Variants in TMEM255B observed in about 807,000 individuals in gnomAD.
TMEM255B encodes the protein family with sequence similarity 70, member B.
TMEM255B carries 35 observed loss-of-function variants against 34.5 expected under a neutral mutation model. That is an observed-to-expected ratio of 1.01 (90% CI 0.77 to 1.34). The LOEUF (loss-of-function observed/expected upper bound fraction) is 1.34, where lower values mean the gene tolerates loss of function less well. Ranked by LOEUF, TMEM255B falls within the 40% of genes most tolerant of loss-of-function variation. TMEM255B has a pLI of 0.00. For missense variants in TMEM255B, 432 were observed against 433.2 expected, an observed-to-expected ratio of 1.00 and a Z score of 0.02; for synonymous variants, 206 against 201.2, an observed-to-expected ratio of 1.02 and a Z score of -0.20.
intron 4 of TMEM255B, among the ~76,000 whole-genome samples, chr13:113,796,508 G>C (rs61966706): frequency 6.9e-5 from 10 of 144,516 alleles, no homozygotes; most frequent in South Asian, 4.4e-4. Context: ...ACACCACACA[G>C]AGCACACAGC....
chr13:113,782,302 A>G (rs1012197797), intron 3 of TMEM255B, among the ~76,000 whole-genome samples: 4 of 152,240 alleles, frequency 2.6e-5, no homozygotes, highest in Non-Finnish European at 5.9e-5. Flanking sequence ...TTCCTACAAT[A>G]TATTTTTATT....
intron 8 of TMEM255B, 49 bp downstream of exon 8, chr13:113,805,077 T>C (rs2051145422): frequency 2.6e-6 from 4 of 1,532,236 alleles, no homozygotes; most frequent in Non-Finnish European, 3.5e-6. Context: ...TCACAGGCAG[T>C]GGGATGGACA....
At position 113,811,738 on chromosome 13, in the gene TMEM255B, C is replaced by T. The variant is rs1381995264; in HGVS notation, c.816C>T (p.Pro272=). ...AGGGCCCTCTCTGTTTATTGCAGCC[C>T]TGCAGCCGCTTCCCAGTTGCGCCCT... ...TCSSYPLPLQ[P]CSRFPVAPSS... Residue 272 remains proline, a splice_region_variant and synonymous_variant, in exon 9 of 9, where the codon CCC becomes CCT. Transcript: ENST00000375353. 6.2e-7 allele frequency: 1 copy of T among 1,613,466 alleles called. No homozygotes were observed. The highest frequency in any genetic ancestry group is 8.5e-7 in the Non-Finnish European group (1 of 1,179,784).
Position 113,814,597 on chromosome 13 carries a change from A to G in TMEM255B, c.*2694A>G, listed in dbSNP as rs1194008766. The G allele has an allele frequency of 2.0e-5, 3 of 152,196 alleles. No individual in the cohort carries two copies. Among genetic ancestry groups the G allele is most frequent in the Non-Finnish European group, 4.4e-5 (3 of 68,048 alleles). The allele number at this position is 152,196 out of a possible 1,614,324, so 9.4% of individuals were successfully genotyped here. On this transcript the variant is annotated 3_prime_UTR_variant, in exon 9 of 9. Transcript: ENST00000375353. The stretch of plus-strand genomic sequence containing the variant: ...CCCACCTGGCGCAGGGCTCCGGCCA[A>G]TGCCTGGCCTGCAGTGTGGGCGGCG...
chr13:113,794,113 G>A (rs2050878830), intron 3 of TMEM255B, among the ~76,000 whole-genome samples: 1 of 152,214 alleles, frequency 6.6e-6, no homozygotes, highest in African/African-American at 2.4e-5. Flanking sequence ...GGGGGAAGAG[G>A]CCACAGCAGT....
chr13:113,763,456 C>T (rs1441979886), intron 1 of TMEM255B, among the ~76,000 whole-genome samples: 3 of 152,136 alleles, frequency 2.0e-5, no homozygotes, highest in South Asian at 2.1e-4. Context: ...GACAGAGACC[C>T]GGGATCTGTC....
Position 113,795,228 on chromosome 13 carries a change from A to G in TMEM255B, c.333A>G (p.Ala111=), listed in dbSNP as rs1400965033. 6.2e-7 allele frequency: 1 copy of G among 1,613,560 alleles called. No homozygotes were observed. Among genetic ancestry groups the G allele is most frequent in the African/African-American group, 1.3e-5 (1 of 74,920 alleles). ...CCATCGTGGACGGCGTATTTGCAGC[A>G]CAGCACATTGTGAGTACATTGTCAT... The part of the protein sequence containing the change: ...CCAIVDGVFA[A]QHIEPRPLTT... The change falls in exon 4 of 9, where the codon GCA becomes GCG. Residue 111 remains alanine (A), a synonymous_variant. Coordinates refer to ENST00000375353, the MANE Select transcript of TMEM255B (RefSeq NM_182614.4).
At chr13:113,782,672 C>CG (rs770261684) in intron 3 of TMEM255B, among the ~76,000 whole-genome samples, 47,281 of 134,612 alleles carry the variant, frequency 0.35, 9,112 homozygotes, top group East Asian at 0.63. Flanking sequence ...CTGTGATGGT[C>CG]GGAGGGGGGG....
intron 4 of TMEM255B, among the ~76,000 whole-genome samples, chr13:113,798,324 A>G (rs767847785): frequency 3.3e-5 from 5 of 150,972 alleles, no homozygotes; most frequent in Non-Finnish European, 7.4e-5. Flanking sequence ...GGATGGAAGT[A>G]TGGATGACAG....
intron 4 of TMEM255B, 24 bp from the exon 5 acceptor site, chr13:113,799,315 A>G: frequency 1.2e-6 from 2 of 1,612,666 alleles, no homozygotes; most frequent in Non-Finnish European, 1.7e-6. Context: ...GTTTTATTCC[A>G]TCTGTGTTTA....
intron 3 of TMEM255B, among the ~76,000 whole-genome samples, chr13:113,794,365 C>T (rs2050883890): frequency 1.3e-5 from 2 of 152,066 alleles, no homozygotes; most frequent in African/African-American, 2.4e-5. Flanking sequence ...GAGCCACAGG[C>T]CCTCCCTCTG....
rs2050447269 is a variant in TMEM255B at position 113,769,701 on chromosome 13, TGCGC to T, written c.252+543_252+546del. Reference sequence around the variant, plus strand: ...CCTGTCCATGATGTTCGTGGCTGTATGCGCGGCAACAGCGATCAGGTTCAGCTGG... The same window carrying T: ...CCTGTCCATGATGTTCGTGGCTGTATGGCAACAGCGATCAGGTTCAGCTGG... On this transcript the variant is annotated intron_variant, in intron 3 of 8. Coordinates refer to ENST00000375353, the MANE Select transcript of TMEM255B (RefSeq NM_182614.4). This position sits in a 1 kb window ranked among gnomAD's most constrained non-coding sequence, Gnocchi z 4.2. 1.9e-5 allele frequency: 2 copies of T among 103,604 alleles called. No individual in the cohort carries two copies. The highest frequency in any genetic ancestry group is 8.1e-5 in the Admixed American group (1 of 12,296). 6.4% of individuals were successfully genotyped at this position (103,604 alleles called of 1,614,324 possible).
chr13:113,797,266 C>T (rs1012020988), intron 4 of TMEM255B, among the ~76,000 whole-genome samples: 2 of 152,240 alleles, frequency 1.3e-5, no homozygotes, highest in African/African-American at 2.4e-5. Context: ...AGGACGGATG[C>T]GCAGACAGCA....
At chr13:113,760,474 G>A (rs974378268) in intron 1 of TMEM255B, among the ~76,000 whole-genome samples, 2 of 152,206 alleles carry the variant, frequency 1.3e-5, no homozygotes, top group Admixed American at 6.5e-5. Context: ...AATACTTGGA[G>A]CTGGTCTTTT....
intron 1 of TMEM255B, among the ~76,000 whole-genome samples, chr13:113,764,754 G>A (rs1317237739): frequency 6.6e-6 from 1 of 152,210 alleles, no homozygotes; most frequent in Non-Finnish European, 1.5e-5. Flanking sequence ...GGGTGAGTGT[G>A]GCTACTATAC....
Position 113,773,844 on chromosome 13 carries a change from C to T in TMEM255B, c.252+4684C>T, listed in dbSNP as rs184507528. Among the ~76,000 whole-genome samples the T allele has an allele frequency of 9.7e-4, 147 of 152,218 alleles. No individual in the cohort carries two copies. The East Asian group carries it at 0.01, about 10-fold the overall frequency. On this transcript the variant is annotated intron_variant, in intron 3 of 8. Coordinates refer to ENST00000375353, the MANE Select transcript of TMEM255B (RefSeq NM_182614.4). ...AGAATGTCTTGTTCATGACAGGTTT[C>T]GAGAAAGCGGTGGTCATTGTTATAC...
chr13:113,763,854 A>G (rs1324877552), intron 1 of TMEM255B, among the ~76,000 whole-genome samples: 1 of 152,246 alleles, frequency 6.6e-6, no homozygotes, highest in African/African-American at 2.4e-5. Context: ...TAGTTCAGAA[A>G]TACCATGAGA....
chr13:113,797,529 C>T (rs2050964116), intron 4 of TMEM255B, among the ~76,000 whole-genome samples: 2 of 152,218 alleles, frequency 1.3e-5, no homozygotes, highest in Admixed American at 1.3e-4. Context: ...CAGGAAGGAG[C>T]CTCTGTCCCC....
rs1184844322 is a variant in TMEM255B, at chr13:113,800,321, G to A, written c.424-506G>A. 5.3e-5 allele frequency among the ~76,000 whole-genome samples: 8 copies of A among 150,146 alleles called. No individual in the cohort carries two copies. The East Asian group carries it at 1.2e-3, about 22-fold the overall frequency. On this transcript the variant is annotated intron_variant, in intron 5 of 8. Coordinates refer to ENST00000375353, the MANE Select transcript of TMEM255B (RefSeq NM_182614.4). ...GTCCTCTGTGTGTGTGTGTGTGTGT[G>A]TGTGTGTGTGTGTGTGTGTGTTGGG...
Sources: allele counts gnomAD v4.1 joint callset (sites outside exome capture counted in the v4.1 genomes callset), GRCh38; gene constraint gnomAD v4.1.1; non-coding constraint Gnocchi (gnomAD v3.1); transcripts MANE v1.5; gene names NCBI Gene and HGNC (gene_info 2026-07-23, HGNC 2026-07-21).